The following HMGB2 variants were observed in gnomAD, a reference collection of about 807,000 sequenced individuals.
HMGB2 encodes the protein high mobility group protein B2.
Under a neutral mutation model 23.0 loss-of-function variants are expected in HMGB2, and 2 were observed. The ratio of observed to expected loss-of-function variants is 0.09; its 90% CI spans 0.04 to 0.27. The LOEUF is 0.27. Ranked by LOEUF, HMGB2 falls within the 10% of genes least tolerant of loss-of-function variation. The pLI is 1.00. For synonymous variants in HMGB2, 99 were observed against 87.5 expected (o/e 1.13, Z -0.73); for missense variants, 178 against 256.5 (o/e 0.69, Z 2.09).
chr4:173,331,906 C>A lies in HMGB2; in HGVS notation c.*174G>T, dbSNP rs1738106731. ...GTATGAGTAGCCCATCAAAAAGCTA[C>A]AACCTGCATTTTTTAAAAGTATTTT... On this transcript the variant is annotated 3_prime_UTR_variant, in exon 5 of 5. Coordinates refer to ENST00000296503, the MANE Select transcript of HMGB2 (RefSeq NM_002129.4). The A allele has an allele frequency of 3.0e-5, 26 of 878,678 alleles. No individual in the cohort carries two copies. Among genetic ancestry groups the A allele is most frequent in the Non-Finnish European group, 8.5e-6 (5 of 586,674 alleles). The allele number at this position is 878,678 out of a possible 1,614,324, so 54.4% of individuals were successfully genotyped here. A position where few individuals can be genotyped will look rare whatever the true frequency, so the allele number is the denominator to read the frequency against.
In HMGB2 at chr4:173,333,711, C is replaced by G; in HGVS notation, c.-20-42G>C. The G allele has an allele frequency of 6.8e-7, 1 of 1,475,668 alleles. No individual in the cohort carries two copies. Among genetic ancestry groups the G allele is most frequent in the Non-Finnish European group, 9.1e-7 (1 of 1,095,406 alleles). The allele number at this position is 1,475,668 out of a possible 1,614,324, so 91.4% of individuals were successfully genotyped here. A position where few individuals can be genotyped will look rare whatever the true frequency, so the allele number is the denominator to read the frequency against. On this transcript the variant is annotated intron_variant, in intron 1 of 4. Coordinates refer to ENST00000296503, the MANE Select transcript of HMGB2 (RefSeq NM_002129.4). The surrounding 1 kb of genome is among the most constrained non-coding windows in gnomAD (Gnocchi z 4.6). ...GGGAGAGGGGAAGCCGGAGGGTCGGCGCGGAGCCCGCAGCTGCCAGGGCGG... is the reference window on the plus strand; with the variant it reads ...GGGAGAGGGGAAGCCGGAGGGTCGGGGCGGAGCCCGCAGCTGCCAGGGCGG...
In HMGB2 at chr4:173,333,005, A is replaced by G; in HGVS notation, c.297-10T>C. ...CAGGAAGAAGGCAGATCTGAAAGGAAGCAACAGAGTTTAATAAACTGAAGG... is the reference window on the plus strand; with the variant it reads ...CAGGAAGAAGGCAGATCTGAAAGGAGGCAACAGAGTTTAATAAACTGAAGG... On this transcript the variant is annotated splice_polypyrimidine_tract_variant and intron_variant, in intron 3 of 4. Transcript: ENST00000296503. This position sits in a 1 kb window ranked among gnomAD's most constrained non-coding sequence, Gnocchi z 4.6. 6.2e-7 allele frequency: 1 copy of G among 1,613,732 alleles called. No homozygotes were observed. The highest frequency in any genetic ancestry group is 1.3e-5 in the African/African-American group (1 of 75,048).
Position 173,334,281 on chromosome 4 carries a change from G to C in HMGB2, c.-30C>G, listed in dbSNP as rs1738196206. The C allele has an allele frequency of 6.6e-6, 1 of 152,412 alleles. No individual in the cohort carries two copies. Among genetic ancestry groups the C allele is most frequent in the African/African-American group, 2.4e-5 (1 of 41,456 alleles). The allele number at this position is 152,412 out of a possible 1,614,324, so 9.4% of individuals were successfully genotyped here. A position where few individuals can be genotyped will look rare whatever the true frequency, so the allele number is the denominator to read the frequency against. Reference sequence around the variant, plus strand: ...TGGAGGGTATTCTTGCCTGGTGCGAGCTTTTCCTCAGAGTCCCGCAGAGCG... The same window carrying C: ...TGGAGGGTATTCTTGCCTGGTGCGACCTTTTCCTCAGAGTCCCGCAGAGCG... On this transcript the variant is annotated 5_prime_UTR_variant, in exon 1 of 5. Coordinates refer to ENST00000296503, the MANE Select transcript of HMGB2 (RefSeq NM_002129.4).
intron 4 of HMGB2, 39 bp downstream of exon 4, chr4:173,332,782 C>T (rs1219709740): frequency 6.4e-7 from 1 of 1,563,366 alleles, no homozygotes; most frequent in East Asian, 2.2e-5. Context: ...TTACCTATAC[C>T]TAGTCTTATC....
At chr4:173,332,538 CTTT>C in intron 4 of HMGB2, 1 of 468,166 alleles carries the variant, frequency 2.1e-6, no homozygotes. Flanking sequence ...AAAACAATTT[CTTT>C]GACTCTCTGC....
In HMGB2 at chr4:173,332,130, C is replaced by T; in HGVS notation, c.580G>A (p.Glu194Lys). The T allele has an allele frequency of 1.2e-6, 2 of 1,609,868 alleles. No individual in the cohort carries two copies. Among genetic ancestry groups the T allele is most frequent in the Non-Finnish European group, 1.7e-6 (2 of 1,176,200 alleles). Residue 194 changes from glutamate (E) to lysine (K), a missense_variant, in exon 5 of 5, where the codon GAG (glutamate) becomes AAG (lysine). Physicochemically the swap from Glu to Lys is moderately conservative, Grantham distance 56 (BLOSUM62 1). This residue lies in a region of HMGB2 where 45 missense variants were observed against 38.8 expected (regional missense o/e 1.16). Coordinates refer to ENST00000296503, the MANE Select transcript of HMGB2 (RefSeq NM_002129.4). ...TCCTCATCTTCATCTTCTTCTTCCTCCTCCTCCTCCTCATCTTCTGGTTCG... is the reference window on the plus strand; with the variant it reads ...TCCTCATCTTCATCTTCTTCTTCCTTCTCCTCCTCCTCATCTTCTGGTTCG... ...KNEPEDEEEE[E>K]EEEDEDEEEE...
chr4:173,332,141 T>C lies in HMGB2; in HGVS notation c.569A>G (p.Glu190Gly), dbSNP rs1409172017. Residue 190 changes from glutamate (E) to glycine (G), a missense_variant, in exon 5 of 5, where the codon GAG (glutamate) becomes GGG (glycine). This residue lies in a region of HMGB2 where 45 missense variants were observed against 38.8 expected (regional missense o/e 1.16). Transcript: ENST00000296503. ...GSKKKNEPED[E>G]EEEEEEEDED... ...ATCTTCTTCTTCCTCCTCCTCCTCC[T>C]CATCTTCTGGTTCGTTCTTCTTCTT... is the stretch of plus-strand genomic sequence containing the variant. The C allele has an allele frequency of 6.2e-7, 1 of 1,612,708 alleles. No individual in the cohort carries two copies. The highest frequency in any genetic ancestry group is 8.5e-7 in the Non-Finnish European group (1 of 1,178,752).
chr4:173,332,598 G>C (rs1239140392), intron 4 of HMGB2: 2 of 512,370 alleles, frequency 3.9e-6, no homozygotes, highest in Non-Finnish European at 7.0e-6. Flanking sequence ...ATAACTACAA[G>C]TAACTACAAG....
Position 173,333,256 on chromosome 4 carries a change from TA to T in HMGB2, c.151-43del. 6.3e-7 allele frequency: 1 copy of T among 1,590,682 alleles called. No homozygotes were observed. Among genetic ancestry groups the T allele is most frequent in the South Asian group, 1.1e-5 (1 of 88,088 alleles). On this transcript the variant is annotated intron_variant, in intron 2 of 4. Transcript: ENST00000296503. The surrounding 1 kb of genome is among the most constrained non-coding windows in gnomAD (Gnocchi z 4.6). ...AGAGCCAAAAATACAGCAAAATTGT[TA>T]CCTATAAACATCCAAAGACGACAAG...
chr4:173,333,692 G>A lies in HMGB2; in HGVS notation c.-20-23C>T, dbSNP rs755256721. ...CACCTGACGGGGCCGAGGGGGGAGA[G>A]GGGAAGCCGGAGGGTCGGCGCGGAG... On this transcript the variant is annotated intron_variant, in intron 1 of 4. Transcript: ENST00000296503. This position sits in a 1 kb window ranked among gnomAD's most constrained non-coding sequence, Gnocchi z 4.6. 4 of 1,546,630 alleles carry A rather than the reference G, an allele frequency of 2.6e-6. No individual in the cohort carries two copies. The highest frequency in any genetic ancestry group is 3.5e-6 in the Non-Finnish European group (4 of 1,141,418).
Position 173,333,818 on chromosome 4 carries a change from G to A in HMGB2, c.-20-149C>T, listed in dbSNP as rs1439469573. The A allele has an allele frequency of 2.3e-6, 1 of 431,504 alleles. No individual in the cohort carries two copies. The highest frequency in any genetic ancestry group is 4.8e-5 in the Admixed American group (1 of 20,714). 26.7% of individuals were successfully genotyped at this position (431,504 alleles called of 1,614,324 possible). A position where few individuals can be genotyped will look rare whatever the true frequency, so the allele number is the denominator to read the frequency against. ...CTCCTCCCGAGGGCGTCCTCCCAAG[G>A]GCGGCCGCCCGCGCCCCCGCCCGCG... On this transcript the variant is annotated intron_variant, in intron 1 of 4. Coordinates refer to ENST00000296503, the MANE Select transcript of HMGB2 (RefSeq NM_002129.4). The surrounding 1 kb of genome is among the most constrained non-coding windows in gnomAD (Gnocchi z 4.6).
chr4:173,332,269 G>A (rs764201496), intron 4 of HMGB2, 31 bp from the exon 5 acceptor site: 92 of 1,510,164 alleles, frequency 6.1e-5, no homozygotes, highest in South Asian at 3.5e-4. Flanking sequence ...TAAAGCATCC[G>A]GTATCATTAC....
Position 173,331,461 on chromosome 4 carries a change from T to G in HMGB2, c.*619A>C, listed in dbSNP as rs1319704700. On this transcript the variant is annotated 3_prime_UTR_variant, in exon 5 of 5. Transcript: ENST00000296503. Reference sequence around the variant, plus strand: ...TAAACAGAAACGTCAAGTACAAAACTTAACGTTCTGTAAAACTGCATAAAT... The same window carrying G: ...TAAACAGAAACGTCAAGTACAAAACGTAACGTTCTGTAAAACTGCATAAAT... Among the ~76,000 whole-genome samples, 2 of 147,980 alleles carry G rather than the reference T, an allele frequency of 1.4e-5. No individual in the cohort carries two copies. Among genetic ancestry groups the G allele is most frequent in the Non-Finnish European group, 3.0e-5 (2 of 67,356 alleles).
Position 173,331,426 on chromosome 4 carries a change from A to G in HMGB2, c.*654T>C, listed in dbSNP as rs932011565. Among the ~76,000 whole-genome samples, 5 of 148,316 alleles carry G rather than the reference A, an allele frequency of 3.4e-5. No homozygotes were observed. The highest frequency in any genetic ancestry group is 6.8e-5 in the Admixed American group (1 of 14,814). ...TATATATACACACACCTGAGGAACA[A>G]TTTAGCTAATAAACAGAAACGTCAA... On this transcript the variant is annotated 3_prime_UTR_variant, in exon 5 of 5. Coordinates refer to ENST00000296503, the MANE Select transcript of HMGB2 (RefSeq NM_002129.4).
chr4:173,332,178 G>T lies in HMGB2; in HGVS notation c.532C>A (p.Pro178Thr). The T allele has an allele frequency of 6.2e-7, 1 of 1,611,908 alleles. No homozygotes were observed. Among genetic ancestry groups the T allele is most frequent in the Non-Finnish European group, 8.5e-7 (1 of 1,178,896 alleles). ...SEAGKKGPGR[P>T]TGSKKKNEPE... is the part of the protein sequence containing the mutation. ...TCGTTCTTCTTCTTTGAGCCTGTTG[G>T]CCTGCCAGGGCCCTTCTTTCCTGCT... Residue 178 changes from proline to threonine, a missense_variant, in exon 5 of 5, where the codon CCA becomes ACA. Pro to Thr is a conservative substitution (Grantham distance 38). This residue lies in a region of HMGB2 where 45 missense variants were observed against 38.8 expected (regional missense o/e 1.16). Transcript: ENST00000296503.
Position 173,332,815 on chromosome 4 carries a change from CTG to C in HMGB2, c.471+4_471+5del. The C allele has an allele frequency of 6.2e-7, 1 of 1,612,288 alleles. No individual in the cohort carries two copies. The highest frequency in any genetic ancestry group is 8.5e-7 in the Non-Finnish European group (1 of 1,178,430). On this transcript the variant is annotated splice_donor_5th_base_variant and intron_variant, in intron 4 of 4. Coordinates refer to ENST00000296503, the MANE Select transcript of HMGB2 (RefSeq NM_002129.4). ...ATCCACGGCTTTAAAAAAGATGACA[CTG>C]TACCTTTTCATATTTCTCCTTTAGC... is the stretch of plus-strand genomic sequence containing the variant.
In HMGB2 at chr4:173,332,038, G is replaced by A. The variant is rs750355063; in HGVS notation, c.*42C>T. Reference sequence around the variant, plus strand: ...CATTCTTAGCAAAATAATTGCCTGAGCACACACACACATTCCACACGCATC... The same window carrying A: ...CATTCTTAGCAAAATAATTGCCTGAACACACACACACATTCCACACGCATC... On this transcript the variant is annotated 3_prime_UTR_variant, in exon 5 of 5. Coordinates refer to ENST00000296503, the MANE Select transcript of HMGB2 (RefSeq NM_002129.4). 1.2e-6 allele frequency: 2 copies of A among 1,607,054 alleles called. No individual in the cohort carries two copies. The highest frequency in any genetic ancestry group is 1.7e-5 in the Admixed American group (1 of 59,380).
In HMGB2 at chr4:173,333,387, G is replaced by T; in HGVS notation, c.150+113C>A. 7.1e-7 allele frequency: 1 copy of T among 1,406,966 alleles called. No homozygotes were observed. Among genetic ancestry groups the T allele is most frequent in the Non-Finnish European group, 9.7e-7 (1 of 1,032,844 alleles). The allele number at this position is 1,406,966 out of a possible 1,614,324, so 87.2% of individuals were successfully genotyped here. A position where few individuals can be genotyped will look rare whatever the true frequency, so the allele number is the denominator to read the frequency against. On this transcript the variant is annotated intron_variant, in intron 2 of 4. Transcript: ENST00000296503. This position sits in a 1 kb window ranked among gnomAD's most constrained non-coding sequence, Gnocchi z 4.6. ...CCTGGAACTCTTAAGATATTCAGGTGAGTCACTGGGGTGGCAAAGTTGAAG... is the reference window on the plus strand; with the variant it reads ...CCTGGAACTCTTAAGATATTCAGGTTAGTCACTGGGGTGGCAAAGTTGAAG...
intron 4 of HMGB2, 83 bp from the exon 5 acceptor site, chr4:173,332,321 A>C (rs1738123057): frequency 9.6e-7 from 1 of 1,044,176 alleles, no homozygotes; most frequent in Non-Finnish European, 1.4e-6. Context: ...ATCTAAGATG[A>C]TTGACCAATA....
Sources: allele counts gnomAD v4.1 joint callset (sites outside exome capture counted in the v4.1 genomes callset), GRCh38; gene constraint gnomAD v4.1.1; regional missense constraint gnomAD v4.1.1; non-coding constraint Gnocchi (gnomAD v3.1); transcripts MANE v1.5; gene names NCBI Gene and HGNC (gene_info 2026-07-23, HGNC 2026-07-21).